The following COL16A1 variants were observed in gnomAD, a reference collection of about 807,000 sequenced individuals.
The protein encoded by COL16A1 is collagen type XVI alpha 1 chain, also known as collagen alpha-1(XVI) chain.
A neutral mutation model predicts 266.3 loss-of-function variants in COL16A1; 189 were observed. The ratio of observed to expected loss-of-function variants is 0.71; its 90% CI spans 0.63 to 0.80. The LOEUF is 0.80. Ranked by LOEUF, COL16A1 falls within the 30% of genes least tolerant of loss-of-function variation. COL16A1 has a pLI of 0.00. For synonymous variants in COL16A1, 740 were observed against 782.3 expected (o/e 0.95, Z 0.90); for missense variants, 1,928 against 2,122.4 (o/e 0.91, Z 1.80).
In COL16A1 at chr1:31,689,841, C is replaced by T; in HGVS notation, c.1520G>A (p.Cys507Tyr). 3 of 1,613,928 alleles carry T rather than the reference C, an allele frequency of 1.9e-6. No individual in the cohort carries two copies. Among genetic ancestry groups the T allele is most frequent in the Non-Finnish European group, 2.5e-6 (3 of 1,179,914 alleles). ...PGVKGEKGDP[C>Y]EVCPTLPEGF... ...TTCAGGCAGTGTTGGGCACACTTCA[C>T]AGGGGTCACCCTAGCAGAAGGGAGA... The change falls in exon 23 of 71, where the codon TGT becomes TAT. Residue 507 changes from cysteine to tyrosine, a missense_variant. Cys to Tyr is a radical substitution (Grantham distance 194). Coordinates refer to ENST00000373672, the MANE Select transcript of COL16A1 (RefSeq NM_001856.4).
chr1:31,669,860 C>G (rs1201791351), intron 49 of COL16A1: 2 of 152,544 alleles, frequency 1.3e-5, no homozygotes, highest in Non-Finnish European at 2.9e-5. Context: ...GCAGAAGGAG[C>G]CGGCCAAGGT....
At position 31,698,370 on chromosome 1, in the gene COL16A1, T is replaced by G. The variant is rs1570598454; in HGVS notation, c.390+113A>C. 6 of 1,549,150 alleles carry G rather than the reference T, an allele frequency of 3.9e-6. No homozygotes were observed. Among genetic ancestry groups the G allele is most frequent in the East Asian group, 2.3e-5 (1 of 44,420 alleles). ...GGTGGGCTGGGGACAGGCTTGAGGG[T>G]AGGCACAGGATGGAGCAGGGAGACC... On this transcript the variant is annotated intron_variant, in intron 5 of 70. Coordinates refer to ENST00000373672, the MANE Select transcript of COL16A1 (RefSeq NM_001856.4). The surrounding 1 kb of genome is among the most constrained non-coding windows in gnomAD (Gnocchi z 4.1).
At position 31,688,818 on chromosome 1, in the gene COL16A1, G is replaced by C; in HGVS notation, c.1767+43C>G. 1 of 1,570,876 alleles carries C rather than the reference G, an allele frequency of 6.4e-7. No homozygotes were observed. Among genetic ancestry groups the C allele is most frequent in the Non-Finnish European group, 8.7e-7 (1 of 1,151,162 alleles). On this transcript the variant is annotated intron_variant, in intron 25 of 70. Coordinates refer to ENST00000373672, the MANE Select transcript of COL16A1 (RefSeq NM_001856.4). This position sits in a 1 kb window ranked among gnomAD's most constrained non-coding sequence, Gnocchi z 4.9. ...GCCAGGGAGATCAACAGTATGGCAA[G>C]GATGGCTGAACTGGGCTGGGCTGGG...
chr1:31,678,864 G>A (rs899710969), intron 42 of COL16A1, among the ~76,000 whole-genome samples: 5 of 152,114 alleles, frequency 3.3e-5, no homozygotes, highest in Admixed American at 6.5e-5. Flanking sequence ...GCCTGCCTCT[G>A]GAATGTACCC....
intron 53 of COL16A1, 21 bp from the exon 54 acceptor site, chr1:31,665,956 T>C: frequency 1.2e-6 from 2 of 1,613,846 alleles, no homozygotes; most frequent in Non-Finnish European, 1.7e-6. Context: ...CAGAGAACAA[T>C]GCAGCCGAAA....
chr1:31,672,591 C>T lies in COL16A1; in HGVS notation c.3018+5G>A, dbSNP rs1465980018. ...TGATCGGGGGAGATAAGGCGAGGCA[C>T]TCACCCGGGCCTCCTCGGCTCTTGG... On this transcript the variant is annotated splice_donor_5th_base_variant and intron_variant, in intron 46 of 70. Coordinates refer to ENST00000373672, the MANE Select transcript of COL16A1 (RefSeq NM_001856.4). The T allele has an allele frequency of 1.2e-6, 2 of 1,607,560 alleles. No individual in the cohort carries two copies. Among genetic ancestry groups the T allele is most frequent in the Non-Finnish European group, 8.5e-7 (1 of 1,175,788 alleles).
chr1:31,652,685 G>A lies in COL16A1; in HGVS notation c.4781C>T (p.Pro1594Leu). 1 of 1,600,800 alleles carries A rather than the reference G, an allele frequency of 6.2e-7. No homozygotes were observed. Among genetic ancestry groups the A allele is most frequent in the Non-Finnish European group, 8.5e-7 (1 of 1,176,090 alleles). Residue 1594 changes from proline (P) to leucine (L), a missense_variant, in exon 71 of 71, where the codon CCA becomes CTA. Pro to Leu is a moderately conservative substitution (Grantham distance 98). Coordinates refer to ENST00000373672, the MANE Select transcript of COL16A1 (RefSeq NM_001856.4). The surrounding 1 kb of genome is among the most constrained non-coding windows in gnomAD (Gnocchi z 4.8). Reference sequence around the variant, plus strand: ...AGGCCCCTTCATGGTTTTCATGGGTGGGTACTGCTGCTCCATCGGCATGGC... The same window carrying A: ...AGGCCCCTTCATGGTTTTCATGGGTAGGTACTGCTGCTCCATCGGCATGGC... The part of the protein sequence containing the change: ...FGAMPMEQQY[P>L]PMKTMKGPFG
intron 31 of COL16A1, 87 bp downstream of exon 31, chr1:31,684,436 G>A: frequency 6.5e-7 from 1 of 1,544,670 alleles, no homozygotes; most frequent in African/African-American, 1.4e-5. Flanking sequence ...GGCCCCAGCT[G>A]GCCCTGCAGT....
chr1:31,687,398 A>G (rs1204127101), intron 26 of COL16A1, among the ~76,000 whole-genome samples: 2 of 134,498 alleles, frequency 1.5e-5, no homozygotes, highest in Non-Finnish European at 3.2e-5. Flanking sequence ...AAAAAAAAAA[A>G]AACCAACAAC....
At position 31,652,673 on chromosome 1, in the gene COL16A1, G is replaced by C; in HGVS notation, c.4793C>G (p.Thr1598Ser). Residue 1598 changes from threonine to serine, a missense_variant, in exon 71 of 71, where the codon ACC (threonine) becomes AGC (serine). Around this residue, in one of 2 missense-constraint regions of COL16A1, gnomAD observed 376 missense variants for 485.2 expected, o/e 0.77. Coordinates refer to ENST00000373672, the MANE Select transcript of COL16A1 (RefSeq NM_001856.4). This position sits in a 1 kb window ranked among gnomAD's most constrained non-coding sequence, Gnocchi z 4.8. The part of the protein sequence containing the change: ...PMEQQYPPMK[T>S]MKGPFG Reference sequence around the variant, plus strand: ...ATTTCAGCCAAAAGGCCCCTTCATGGTTTTCATGGGTGGGTACTGCTGCTC... The same window carrying C: ...ATTTCAGCCAAAAGGCCCCTTCATGCTTTTCATGGGTGGGTACTGCTGCTC... 1 of 1,590,490 alleles carries C rather than the reference G, an allele frequency of 6.3e-7. No homozygotes were observed. Among genetic ancestry groups the C allele is most frequent in the Non-Finnish European group, 8.5e-7 (1 of 1,172,720 alleles).
At position 31,688,280 on chromosome 1, in the gene COL16A1, A is replaced by G. The variant is rs1325513448; in HGVS notation, c.1803+187T>C. On this transcript the variant is annotated intron_variant, in intron 26 of 70. Coordinates refer to ENST00000373672, the MANE Select transcript of COL16A1 (RefSeq NM_001856.4). This position sits in a 1 kb window ranked among gnomAD's most constrained non-coding sequence, Gnocchi z 4.9. ...CAGCTACACTAAGGAATTCTCTTAC[A>G]GAACATGAGGGCTCTCAGAAATAAA... Among the ~76,000 whole-genome samples the G allele has an allele frequency of 6.6e-6, 1 of 152,214 alleles. No homozygotes were observed. The highest frequency in any genetic ancestry group is 1.5e-5 in the Non-Finnish European group (1 of 68,040).
At position 31,682,953 on chromosome 1, in the gene COL16A1, G is replaced by GC; in HGVS notation, c.2518dup (p.Ala840GlyfsTer10). The GC allele has an allele frequency of 6.2e-7, 1 of 1,614,068 alleles. No homozygotes were observed. Among genetic ancestry groups the GC allele is most frequent in the East Asian group, 2.2e-5 (1 of 44,876 alleles). ...ACTTACCGGAGGCCCAGAGACACTG[G>GC]CCCCAGGAGGTCCCACAGGTCCGGT... On this transcript the variant is annotated frameshift_variant, in exon 37 of 71. Coordinates refer to ENST00000373672, the MANE Select transcript of COL16A1 (RefSeq NM_001856.4). LOFTEE classifies it high-confidence loss of function.
Position 31,699,802 on chromosome 1 carries a change from G to A in COL16A1, c.266+11C>T. On this transcript the variant is annotated intron_variant, in intron 4 of 70. Coordinates refer to ENST00000373672, the MANE Select transcript of COL16A1 (RefSeq NM_001856.4). ...AGTGTTGATTCTCAGTGGTCACATG[G>A]ATGCATTTACCGCGTGGGCTGGGTC... The A allele has an allele frequency of 6.6e-7, 1 of 1,519,896 alleles. No homozygotes were observed. Among genetic ancestry groups the A allele is most frequent in the Non-Finnish European group, 9.1e-7 (1 of 1,096,334 alleles). The allele number at this position is 1,519,896 out of a possible 1,614,324, so 94.2% of individuals were successfully genotyped here.
At chr1:31,693,927 G>T (rs1290567103) in intron 12 of COL16A1, among the ~76,000 whole-genome samples, 2 of 152,182 alleles carry the variant, frequency 1.3e-5, no homozygotes, top group Admixed American at 1.3e-4. Flanking sequence ...GTGGCCTAAG[G>T]CCTGGTGCAC....
intron 17 of COL16A1, among the ~76,000 whole-genome samples, 164 bp from the exon 18 acceptor site, chr1:31,691,806 G>A (rs1570563174): frequency 6.6e-6 from 1 of 152,158 alleles, no homozygotes; most frequent in East Asian, 1.9e-4. Context: ...TGGTGTTAGA[G>A]GTTCGGGGCT....
Position 31,699,890 on chromosome 1 carries a change from A to C in COL16A1, c.189T>G (p.Ser63=), listed in dbSNP as rs1031107492. 12 of 1,613,974 alleles carry C rather than the reference A, an allele frequency of 7.4e-6. No homozygotes were observed. Among genetic ancestry groups the C allele is most frequent in the Non-Finnish European group, 8.5e-6 (10 of 1,179,942 alleles). The stretch of plus-strand genomic sequence containing the variant: ...TGGGGTTGCGGATCTTCTTGATGGC[A>C]GACGTCTTCATGAGGCTGAGTCGGT... ...LIHRLSLMKT[S]AIKKIRNPKG... The change falls in exon 4 of 71, where the codon TCT becomes TCG. Residue 63 remains serine, a synonymous_variant. Transcript: ENST00000373672.
chr1:31,658,819 C>T, intron 63 of COL16A1, 95 bp downstream of exon 63: 1 of 1,408,820 alleles, frequency 7.1e-7, no homozygotes, highest in Non-Finnish European at 9.8e-7. Flanking sequence ...ATGAGACAAA[C>T]TGTTCTCCAT....
chr1:31,702,208 G>T lies in COL16A1; in HGVS notation c.-15C>A, dbSNP rs1476754259. Reference sequence around the variant, plus strand: ...GATACCCACATCCCGGTCCAAAGAGGTCAGCTACAGCCACAGCACCTGAAA... The same window carrying T: ...GATACCCACATCCCGGTCCAAAGAGTTCAGCTACAGCCACAGCACCTGAAA... On this transcript the variant is annotated 5_prime_UTR_variant, in exon 2 of 71. Coordinates refer to ENST00000373672, the MANE Select transcript of COL16A1 (RefSeq NM_001856.4). 2 of 1,614,022 alleles carry T rather than the reference G, an allele frequency of 1.2e-6. No homozygotes were observed. Among genetic ancestry groups the T allele is most frequent in the East Asian group, 4.5e-5 (2 of 44,878 alleles).
chr1:31,663,108 G>A lies in COL16A1; in HGVS notation c.3556-450C>T, dbSNP rs185274033. On this transcript the variant is annotated intron_variant, in intron 56 of 70. Coordinates refer to ENST00000373672, the MANE Select transcript of COL16A1 (RefSeq NM_001856.4). This position sits in a 1 kb window ranked among gnomAD's most constrained non-coding sequence, Gnocchi z 4.9. ...CTGCACAGAGGCCTCAACAGCGCAC[G>A]CAGCACCATGTGGGCTCTGATTCCC... 5 of 192,930 alleles carry A rather than the reference G, an allele frequency of 2.6e-5. No individual in the cohort carries two copies. The East Asian group carries it at 5.5e-4, about 21-fold the overall frequency. 12.0% of individuals were successfully genotyped at this position (192,930 alleles called of 1,614,324 possible). A position where few individuals can be genotyped will look rare whatever the true frequency, so the allele number is the denominator to read the frequency against.
Sources: allele counts gnomAD v4.1 joint callset (sites outside exome capture counted in the v4.1 genomes callset), GRCh38; gene constraint gnomAD v4.1.1; regional missense constraint gnomAD v4.1.1; non-coding constraint Gnocchi (gnomAD v3.1); transcripts MANE v1.5; gene names NCBI Gene and HGNC (gene_info 2026-07-23, HGNC 2026-07-21).